Variants in AKAP19 observed in about 807,000 individuals in gnomAD.
AKAP19 encodes the protein small A-kinase anchoring protein.
At chr2:190,126,265 T>C in the AKAP19 span, among the ~76,000 whole-genome samples, 1 of 90,228 alleles carries the variant, frequency 1.1e-5, no homozygotes, top group Non-Finnish European at 2.1e-5. Context: ...CAGTCCAGCC[T>C]GGCAACAGAG....
At chr2:189,981,911 C>T in the AKAP19 span, among the ~76,000 whole-genome samples, 9 of 152,098 alleles carry the variant, frequency 5.9e-5, no homozygotes, top group Non-Finnish European at 7.4e-5. Flanking sequence ...TAATTTGGCT[C>T]TTTTCCTTAG....
chr2:190,041,428 G>A, the AKAP19 span, among the ~76,000 whole-genome samples: 15 of 152,138 alleles, frequency 9.9e-5, no homozygotes, highest in Non-Finnish European at 2.1e-4. Context: ...CCAAGACTAT[G>A]AGATTTTCTA....
At chr2:189,903,095 A>G in the AKAP19 span, among the ~76,000 whole-genome samples, 7 of 151,918 alleles carry the variant, frequency 4.6e-5, no homozygotes, top group Non-Finnish European at 1.0e-4. Context: ...GCCATCGAGA[A>G]ATTATTTATA....
At chr2:190,124,744 T>C in the AKAP19 span, among the ~76,000 whole-genome samples, 1 of 152,200 alleles carries the variant, frequency 6.6e-6, no homozygotes, top group South Asian at 2.1e-4. Flanking sequence ...AAAAACTTTT[T>C]AATTTTTAAA....
the AKAP19 span, among the ~76,000 whole-genome samples, chr2:189,911,654 A>G: frequency 8.5e-5 from 13 of 152,256 alleles, 1 homozygote; most frequent in South Asian, 2.7e-3. Flanking sequence ...TCAGGAAAGG[A>G]AAGCTTTTGG....
At chr2:190,185,961 AT>A in the AKAP19 span, among the ~76,000 whole-genome samples, 1 of 151,960 alleles carries the variant, frequency 6.6e-6, no homozygotes, top group Admixed American at 6.6e-5. Context: ...CACAATTTTT[AT>A]TTTTTTGAGA....
the AKAP19 span, among the ~76,000 whole-genome samples, chr2:190,143,735 G>A: frequency 1.3e-5 from 2 of 151,132 alleles, no homozygotes; most frequent in Admixed American, 6.6e-5. Context: ...TGTTTATTGC[G>A]GCATTATTCA....
At chr2:190,123,827 G>T in the AKAP19 span, among the ~76,000 whole-genome samples, 1 of 152,228 alleles carries the variant, frequency 6.6e-6, no homozygotes, top group Admixed American at 6.5e-5. Flanking sequence ...CTGAGCGCAT[G>T]TAGGTGGAGA....
At chr2:189,930,295 A>G in the AKAP19 span, 1 of 616,496 alleles carries the variant, frequency 1.6e-6, no homozygotes, top group Non-Finnish European at 2.4e-6. Flanking sequence ...GCAGTGCTGC[A>G]TCAACTGGCT....
chr2:190,089,646 A>G, the AKAP19 span: 3,230 of 152,256 alleles, frequency 0.021, 56 homozygotes, highest in Non-Finnish European at 0.036. Context: ...TCAATATTAC[A>G]TGTTTTTGCC....
the AKAP19 span, chr2:189,923,837 G>A: frequency 5.6e-6 from 9 of 1,610,612 alleles, no homozygotes; most frequent in African/African-American, 1.3e-5. Flanking sequence ...TGGACAGCGG[G>A]GATCTTCCAA....
At chr2:190,063,331 G>A in the AKAP19 span, among the ~76,000 whole-genome samples, 163 of 152,094 alleles carry the variant, frequency 1.1e-3, 1 homozygote, top group African/African-American at 3.7e-3. Context: ...AACATATTGT[G>A]CATGGAATTA....
At chr2:189,888,296 T>G in the AKAP19 span, among the ~76,000 whole-genome samples, 1 of 152,232 alleles carries the variant, frequency 6.6e-6, no homozygotes, top group African/African-American at 2.4e-5. Context: ...GCCTGTTCTA[T>G]TCCATTGGTC....
At chr2:189,888,651 C>T in the AKAP19 span, among the ~76,000 whole-genome samples, 2,194 of 152,180 alleles carry the variant, frequency 0.014, 52 homozygotes, top group African/African-American at 0.05. Context: ...TGAAGAGGTC[C>T]TTCACATCCC....
the AKAP19 span, among the ~76,000 whole-genome samples, chr2:190,052,599 A>G: frequency 6.6e-6 from 1 of 152,158 alleles, no homozygotes; most frequent in East Asian, 1.9e-4. Flanking sequence ...ACCTGAGAAA[A>G]TCTTGTGGAG....
chr2:189,982,837 G>A, the AKAP19 span, among the ~76,000 whole-genome samples: 2 of 152,130 alleles, frequency 1.3e-5, no homozygotes, highest in Admixed American at 1.3e-4. Context: ...GATGCTGCTT[G>A]TTGTAGTGGT....
At chr2:190,033,414 A>G in the AKAP19 span, among the ~76,000 whole-genome samples, 2 of 152,222 alleles carry the variant, frequency 1.3e-5, no homozygotes, top group Non-Finnish European at 2.9e-5. Flanking sequence ...TAATGATGGT[A>G]TGAAATTTAA....
chr2:189,894,147 C>CT, the AKAP19 span, among the ~76,000 whole-genome samples: 1 of 152,098 alleles, frequency 6.6e-6, no homozygotes, highest in Non-Finnish European at 1.5e-5. Context: ...TCTTTAGATG[C>CT]TGCTTTTAAA....
chr2:190,069,170 G>GTGTGTGTGTC, the AKAP19 span, among the ~76,000 whole-genome samples: 587 of 146,430 alleles, frequency 4.0e-3, 9 homozygotes, highest in East Asian at 0.026. Context: ...GTGTGTGTGT[G>GTGTGTGTGTC]TGTGTGAGAG....
Sources: gnomAD v4.1 joint callset for allele counts (sites outside exome capture counted in the v4.1 genomes callset) on GRCh38, gnomAD v4.1.1 for gene constraint, MANE v1.5 for transcripts, NCBI Gene and HGNC (gene_info 2026-07-23, HGNC 2026-07-21) for gene names.